Variants in COL6A5 observed in about 807,000 individuals in gnomAD.
The protein encoded by COL6A5 is collagen type VI alpha 5 chain, also known as collagen alpha-5(VI) chain.
A neutral mutation model predicts 65.6 loss-of-function variants in COL6A5; 48 were observed. The ratio of observed to expected loss-of-function variants is 0.73; its 90% CI spans 0.58 to 0.93. The LOEUF is 0.93. COL6A5 is among the 40% of genes least tolerant of loss of function. The pLI is 0.00. For missense variants in COL6A5, 914 were observed against 928.3 expected (o/e 0.98, Z 0.20); for synonymous variants, 291 against 322.8 (o/e 0.90, Z 1.05).
intron 1 of COL6A5, among the ~76,000 whole-genome samples, chr3:130,372,458 T>C (rs1935603647): frequency 6.6e-6 from 1 of 151,944 alleles, no homozygotes; most frequent in Admixed American, 6.6e-5. Context: ...TATATATATA[T>C]CTATATCCAT....
intron 5 of COL6A5, among the ~76,000 whole-genome samples, chr3:130,468,256 C>A (rs1027120993): frequency 6.6e-6 from 1 of 151,996 alleles, no homozygotes; most frequent in African/African-American, 2.4e-5. Flanking sequence ...TAGAGTATGT[C>A]ATATCTCACA....
At chr3:130,368,405 A>T (rs1935420606) in intron 1 of COL6A5, among the ~76,000 whole-genome samples, 1 of 152,210 alleles carries the variant, frequency 6.6e-6, no homozygotes, top group South Asian at 2.1e-4. Flanking sequence ...TCCAGCAAAT[A>T]CTTCTTGAGA....
intron 1 of COL6A5, among the ~76,000 whole-genome samples, chr3:130,363,806 A>T (rs941788160): frequency 6.6e-6 from 1 of 152,162 alleles, no homozygotes; most frequent in Non-Finnish European, 1.5e-5. Flanking sequence ...TTGCACCTTC[A>T]GCCATTTGTC....
At chr3:130,352,078 G>T (rs988757586) in intron 1 of COL6A5, among the ~76,000 whole-genome samples, 1 of 152,098 alleles carries the variant, frequency 6.6e-6, no homozygotes, top group Admixed American at 6.6e-5. Flanking sequence ...AACACCGCAC[G>T]TTCTCACTCA....
At chr3:130,471,814 G>T in intron 7 of COL6A5, 1 of 1,535,138 alleles carries the variant, frequency 6.5e-7, no homozygotes, top group South Asian at 1.2e-5. Flanking sequence ...CTGATTTGAT[G>T]CAGAAGTTAT....
At position 130,365,226 on chromosome 3, in the gene COL6A5, A is replaced by G. The variant is rs1038915854; in HGVS notation, c.-28-8385A>G. On this transcript the variant is annotated intron_variant and NMD_transcript_variant, in intron 1 of 41. Coordinates refer to the COL6A5 transcript ENST00000312481. ...GGGAAGGAGAATCCTCAGAAGGAGT[A>G]ATGAACGTTGGGCAGACAAAATCAA... 7.2e-5 allele frequency among the ~76,000 whole-genome samples: 11 copies of G among 152,316 alleles called. 1 individual carries two copies. Among genetic ancestry groups the G allele is most frequent in the Admixed American group, 6.5e-4 (10 of 15,300 alleles).
intron 8 of COL6A5, 32 bp from the exon 9 acceptor site, chr3:130,397,551 G>A (rs75088150): frequency 5.8e-4 from 863 of 1,496,462 alleles, no homozygotes; most frequent in Non-Finnish European, 7.4e-4. Context: ...CTGTCTACTC[G>A]TTAATCTTGA....
At chr3:130,391,476 C>T (rs1372194882) in exon 7 of COL6A5, 4 of 1,551,724 alleles carry the variant, frequency 2.6e-6, no homozygotes, top group Non-Finnish European at 3.5e-6. Flanking sequence ...GCCCTGTTTA[C>T]AGAGGAACAT....
At chr3:130,381,512 G>T (rs1935994498) in intron 4 of COL6A5, among the ~76,000 whole-genome samples, 1 of 151,952 alleles carries the variant, frequency 6.6e-6, no homozygotes, top group Non-Finnish European at 1.5e-5. Flanking sequence ...TTTAAATCCT[G>T]TCTATTTTTT....
chr3:130,469,317 A>G (rs145581290), exon 6 of COL6A5: 2 of 1,612,868 alleles, frequency 1.2e-6, no homozygotes, highest in Non-Finnish European at 1.7e-6. Context: ...TGTCAAGGCT[A>G]CTCCATATTT....
In COL6A5 at chr3:130,455,150, CA is replaced by C. The variant is rs62929660; in HGVS notation, c.1333-292del. ...GTCTCAAAAGAGCAAGACCCTGTCTCAAAAAAAAAAAAACAAACAAACAATA... is the reference window on the plus strand; with the variant it reads ...GTCTCAAAAGAGCAAGACCCTGTCTCAAAAAAAAAAAACAAACAAACAATA... On this transcript the variant is annotated intron_variant, in intron 4 of 7. Coordinates refer to ENST00000512836, the Ensembl canonical transcript of COL6A5. Among the ~76,000 whole-genome samples, 865 of 130,098 alleles carry C rather than the reference CA, an allele frequency of 6.6e-3. 12 individuals are homozygous for C. The highest frequency in any genetic ancestry group is 0.021 in the African/African-American group (717 of 34,702). 85.3% of individuals were successfully genotyped at this position (130,098 alleles called of 152,430 possible). A position where few individuals can be genotyped will look rare whatever the true frequency, so the allele number is the denominator to read the frequency against.
rs375146746 is a variant in COL6A5 at position 130,387,462 on chromosome 3, C to G, written c.1862-1118C>G. On this transcript the variant is annotated intron_variant and NMD_transcript_variant, in intron 5 of 41. Coordinates refer to the COL6A5 transcript ENST00000312481. Reference sequence around the variant, plus strand: ...ATGTGTTACATGGAAGAGAATCTTTCACACTTCACTACAGTGGTCAAGGCC... The same window carrying G: ...ATGTGTTACATGGAAGAGAATCTTTGACACTTCACTACAGTGGTCAAGGCC... 2.6e-5 allele frequency among the ~76,000 whole-genome samples: 4 copies of G among 152,186 alleles called. 1 individual carries two copies. The East Asian group carries it at 5.8e-4, about 22-fold the overall frequency.
rs146634521 is a variant in COL6A5 at position 130,440,697 on chromosome 3, G to A, written c.1115G>A (p.Arg372His). 90 of 1,613,566 alleles carry A rather than the reference G, an allele frequency of 5.6e-5. No individual in the cohort carries two copies. In the Middle Eastern group the frequency reaches 8.3e-4, roughly 15 times the overall value. ...TTTGTGATTTCTCTGGGCTCTACAC[G>A]TAAGGATGACATGGAGGAGTTAGCC... The change falls in exon 3 of 8, where the codon CGT (arginine) becomes CAT (histidine). Residue 372 changes from arginine to histidine, a missense_variant. Coordinates refer to ENST00000512836, the Ensembl canonical transcript of COL6A5.
Position 130,414,481 on chromosome 3 carries a change from A to G in COL6A5, c.4761+350A>G, listed in dbSNP as rs75027544. 7.4e-3 allele frequency among the ~76,000 whole-genome samples: 1,129 copies of G among 152,264 alleles called. 16 individuals carry two copies. Among genetic ancestry groups the G allele is most frequent in the African/African-American group, 0.025 (1,029 of 41,566 alleles). Reference sequence around the variant, plus strand: ...GGTCCTGCATACACAGGCTCCCACAAAGGAAAATTAGTTGAAAGTTGGAAA... The same window carrying G: ...GGTCCTGCATACACAGGCTCCCACAGAGGAAAATTAGTTGAAAGTTGGAAA... On this transcript the variant is annotated intron_variant and NMD_transcript_variant, in intron 22 of 41. Transcript: ENST00000312481.
At chr3:130,451,686 A>G (rs1418450597) in intron 4 of COL6A5, among the ~76,000 whole-genome samples, 1 of 152,068 alleles carries the variant, frequency 6.6e-6, no homozygotes, top group Non-Finnish European at 1.5e-5. Context: ...AAATAAGATC[A>G]TCGGGGGTGA....
chr3:130,479,783 T>C (rs1185313007), intron 7 of COL6A5, among the ~76,000 whole-genome samples: 1 of 152,160 alleles, frequency 6.6e-6, no homozygotes, highest in Non-Finnish European at 1.5e-5. Flanking sequence ...TCAAGTGTGC[T>C]TAATTTAGCA....
chr3:130,461,999 C>T (rs1004830416), intron 5 of COL6A5, among the ~76,000 whole-genome samples: 4 of 151,638 alleles, frequency 2.6e-5, no homozygotes, highest in African/African-American at 9.7e-5. Flanking sequence ...AAGTCTAGGC[C>T]AAAAAGACAT....
At chr3:130,476,911 T>C (rs777076274) in intron 7 of COL6A5, 10 of 695,892 alleles carry the variant, frequency 1.4e-5, no homozygotes, top group South Asian at 1.3e-4. Flanking sequence ...GGGTTAGTTA[T>C]ATTTGGCCAG....
exon 7 of COL6A5, chr3:130,391,680 A>T: frequency 1.3e-6 from 2 of 1,551,642 alleles, no homozygotes; most frequent in Non-Finnish European, 8.7e-7. Context: ...AATACTATCT[A>T]TGTAGATAAT....
Sources: allele counts gnomAD v4.1 joint callset (sites outside exome capture counted in the v4.1 genomes callset), GRCh38; gene constraint gnomAD v4.1.1; transcripts MANE v1.5; gene names NCBI Gene and HGNC (gene_info 2026-07-23, HGNC 2026-07-21).